The following CECR2 variants were observed in gnomAD, a reference collection of about 807,000 sequenced individuals.
CECR2 encodes the protein CECR2 histone acetyl-lysine reader, also known as chromatin remodeling regulator CECR2.
Under a neutral mutation model 154.5 loss-of-function variants are expected in CECR2, and 30 were observed. That is an observed-to-expected ratio of 0.19 (90% CI 0.15 to 0.26). CECR2 has a LOEUF of 0.26. CECR2 is among the 10% of genes least tolerant of loss of function. CECR2 has a pLI of 1.00. For missense variants in CECR2, 1,743 were observed against 1,829.3 expected (o/e 0.95, Z 0.86); for synonymous variants, 725 against 683.7 (o/e 1.06, Z -0.94).
At chr22:17,437,842 C>T (rs1238093505) in intron 1 of CECR2, among the ~76,000 whole-genome samples, 1 of 152,156 alleles carries the variant, frequency 6.6e-6, no homozygotes, top group African/African-American at 2.4e-5. Flanking sequence ...GGAAAAATTT[C>T]CTTCGACTTC....
chr22:17,382,215 A>G (rs2063206478), intron 1 of CECR2, among the ~76,000 whole-genome samples: 4 of 152,064 alleles, frequency 2.6e-5, no homozygotes, highest in East Asian at 1.9e-4. Flanking sequence ...CATAGAGACT[A>G]ATAGAAAAAG....
intron 16 of CECR2, among the ~76,000 whole-genome samples, chr22:17,547,399 T>C (rs1256718364): frequency 6.6e-6 from 1 of 151,888 alleles, no homozygotes; most frequent in Non-Finnish European, 1.5e-5. Flanking sequence ...CCAGCTAATT[T>C]TTTATATTTT....
At chr22:17,456,592 T>C (rs892352400) in intron 1 of CECR2, among the ~76,000 whole-genome samples, 7 of 152,244 alleles carry the variant, frequency 4.6e-5, no homozygotes, top group African/African-American at 1.7e-4. Flanking sequence ...GTAGATATTG[T>C]ACATCACAAA....
intron 1 of CECR2, among the ~76,000 whole-genome samples, chr22:17,423,350 A>G (rs960220168): frequency 6.6e-6 from 1 of 152,048 alleles, no homozygotes; most frequent in African/African-American, 2.4e-5. Flanking sequence ...TACTAAAAAT[A>G]CAAAAAATTA....
intron 1 of CECR2, among the ~76,000 whole-genome samples, chr22:17,403,893 A>G (rs2053933849): frequency 6.6e-6 from 1 of 152,160 alleles, no homozygotes; most frequent in Non-Finnish European, 1.5e-5. Context: ...TGCATATGAT[A>G]TAAAGTACTG....
intron 1 of CECR2, among the ~76,000 whole-genome samples, chr22:17,403,648 T>C (rs760181317): frequency 1.3e-5 from 2 of 148,348 alleles, no homozygotes; most frequent in African/African-American, 5.3e-5. Context: ...ATCTCCCTTA[T>C]CATTAATAAT....
At chr22:17,523,229 A>G (rs1175336656) in intron 8 of CECR2, among the ~76,000 whole-genome samples, 1 of 152,042 alleles carries the variant, frequency 6.6e-6, no homozygotes, top group Non-Finnish European at 1.5e-5. Flanking sequence ...TTAAAAATAC[A>G]AAAATTAGCT....
At position 17,538,544 on chromosome 22, in the gene CECR2, T is replaced by G. The variant is rs781771181; in HGVS notation, c.1263T>G (p.Thr421=). 4 of 1,613,792 alleles carry G rather than the reference T, an allele frequency of 2.5e-6. No individual in the cohort carries two copies. The African/African-American group carries it at 5.3e-5, about 22-fold the overall frequency. ...KDLFELDDDF[T]AMYKVLDVVK... is the part of the protein sequence containing the mutation. ...GCTTTGAGTTGGATGATGATTTCAC[T>G]GCTATGTATAAAGGTTAGTTCCCAT... Residue 421 remains threonine (T), a synonymous_variant, in exon 11 of 19, where the codon ACT becomes ACG. Transcript: ENST00000262608.
intron 7 of CECR2, among the ~76,000 whole-genome samples, chr22:17,505,411 A>G (rs1189778314): frequency 6.6e-6 from 1 of 151,440 alleles, no homozygotes; most frequent in Non-Finnish European, 1.5e-5. Context: ...GCCTGGCTCT[A>G]CCTGATTGTG....
chr22:17,460,304 G>A (rs1209050222), intron 1 of CECR2, among the ~76,000 whole-genome samples: 2 of 152,152 alleles, frequency 1.3e-5, no homozygotes, highest in East Asian at 1.9e-4. Flanking sequence ...CTGTCTCCTG[G>A]GTTCAAGCAA....
chr22:17,522,418 G>A (rs1328978227), intron 8 of CECR2, among the ~76,000 whole-genome samples: 1 of 152,112 alleles, frequency 6.6e-6, no homozygotes, highest in African/African-American at 2.4e-5. Context: ...ACATTTATTC[G>A]GGAAGCAGTG....
intron 1 of CECR2, among the ~76,000 whole-genome samples, chr22:17,404,535 G>A (rs1022241893): frequency 2.8e-5 from 4 of 140,564 alleles, no homozygotes; most frequent in Admixed American, 7.0e-5. Flanking sequence ...CACTACGCCC[G>A]GCTAATTTTT....
intron 2 of CECR2, among the ~76,000 whole-genome samples, chr22:17,489,255 A>G (rs902263330): frequency 2.0e-5 from 3 of 152,134 alleles, no homozygotes; most frequent in Admixed American, 6.6e-5. Context: ...ATCTTTGCCA[A>G]CATCTGCTGT....
At chr22:17,488,160 GGCGTGA>G (rs1383652640) in intron 2 of CECR2, among the ~76,000 whole-genome samples, 1 of 152,188 alleles carries the variant, frequency 6.6e-6, no homozygotes, top group Non-Finnish European at 1.5e-5. Flanking sequence ...TGGGATTACA[GGCGTGA>G]GCCACCGCAC....
At chr22:17,391,412 A>G (rs1293616857) in intron 1 of CECR2, among the ~76,000 whole-genome samples, 2 of 152,250 alleles carry the variant, frequency 1.3e-5, no homozygotes, top group Non-Finnish European at 2.9e-5. Context: ...TGAAGTAATT[A>G]CAACAGAGAG....
intron 1 of CECR2, among the ~76,000 whole-genome samples, chr22:17,383,516 C>T (rs2063223934): frequency 6.6e-6 from 1 of 152,044 alleles, no homozygotes; most frequent in African/African-American, 2.4e-5. Context: ...CCTCAACAAA[C>T]TACTTTTTTT....
intron 2 of CECR2, among the ~76,000 whole-genome samples, chr22:17,488,602 A>G (rs544144072): frequency 6.6e-6 from 1 of 151,918 alleles, no homozygotes; most frequent in Non-Finnish European, 1.5e-5. Context: ...TGCCTGTATG[A>G]TATTCACCCA....
chr22:17,404,170 A>G (rs1183164872), intron 1 of CECR2, among the ~76,000 whole-genome samples: 1 of 150,344 alleles, frequency 6.7e-6, no homozygotes, highest in East Asian at 2.0e-4. Context: ...GAGGCAGAAG[A>G]ATCTCTTGAA....
intron 5 of CECR2, among the ~76,000 whole-genome samples, chr22:17,501,612 CACTTA>C (rs1378761699): frequency 6.6e-6 from 1 of 152,178 alleles, no homozygotes; most frequent in Non-Finnish European, 1.5e-5. Context: ...AATCAGCATC[CACTTA>C]ACTTTACAGA....
Sources: gnomAD v4.1 joint callset for allele counts (sites outside exome capture counted in the v4.1 genomes callset) on GRCh38, gnomAD v4.1.1 for gene constraint, MANE v1.5 for transcripts, NCBI Gene and HGNC (gene_info 2026-07-23, HGNC 2026-07-21) for gene names.